The following STS variants were observed in gnomAD, a reference collection of about 807,000 sequenced individuals.
STS encodes the protein steryl-sulfatase.
A neutral mutation model predicts 26.8 loss-of-function variants in STS; 7 were observed. The ratio of observed to expected loss-of-function variants is 0.26; its 90% confidence interval spans 0.15 to 0.49. The LOEUF (loss-of-function observed/expected upper bound fraction) is 0.49, where lower values mean the gene tolerates loss of function less well. Ranked by LOEUF, STS falls within the 20% of genes least tolerant of loss-of-function variation. STS has a pLI of 0.98. For missense variants in STS, 434 were observed against 465.6 expected, an observed-to-expected ratio of 0.93 and a Z score of 0.63; for synonymous variants, 199 against 189.4, an observed-to-expected ratio of 1.05 and a Z score of -0.42.
chrX:7,279,365 G>A (rs1297361274), intron 7 of STS, among the ~76,000 whole-genome samples: 1 of 90,900 alleles, frequency 1.1e-5, no homozygotes, highest in Non-Finnish European at 2.1e-5. Flanking sequence ...GTGTATATGT[G>A]TGTGTGTGTG....
At chrX:7,314,619 G>A (rs1229101015) in intron 8 of STS, among the ~76,000 whole-genome samples, 1 of 113,155 alleles carries the variant, frequency 8.8e-6, no homozygotes, top group Non-Finnish European at 1.9e-5. Flanking sequence ...GGCTTCAGTT[G>A]ACAAAATGTA....
At chrX:7,333,813 G>A (rs1927875436) in intron 9 of STS, among the ~76,000 whole-genome samples, 173 bp from the exon 10 acceptor site, 1 of 112,763 alleles carries the variant, frequency 8.9e-6, no homozygotes, top group African/African-American at 3.2e-5. Context: ...CAGATGTAAT[G>A]AGATAATGCA....
At chrX:7,315,639 C>T (rs1033616370) in intron 8 of STS, among the ~76,000 whole-genome samples, 3 of 111,359 alleles carry the variant, frequency 2.7e-5, no homozygotes, top group Admixed American at 1.9e-4. Flanking sequence ...GTCGAAGGTC[C>T]GAGAGCCCCT....
At chrX:7,184,717 C>T (rs925667513) in intron 1 of STS, among the ~76,000 whole-genome samples, 5 of 112,042 alleles carry the variant, frequency 4.5e-5, no homozygotes, top group African/African-American at 1.3e-4. Flanking sequence ...TCCCAAGACA[C>T]TCTCAGCAGG....
At chrX:7,200,472 A>G (rs1168290174) in intron 2 of STS, among the ~76,000 whole-genome samples, 1 of 111,551 alleles carries the variant, frequency 9.0e-6, no homozygotes, top group Non-Finnish European at 1.9e-5. Flanking sequence ...ATTTTGGGAG[A>G]TAGAACTAGT....
chrX:7,177,469 A>G (rs1284305929), intron 1 of STS, among the ~76,000 whole-genome samples: 6 of 105,747 alleles, frequency 5.7e-5, no homozygotes, highest in African/African-American at 1.0e-4. Flanking sequence ...TTATATATGT[A>G]TATATATATA....
At chrX:7,216,172 T>A (rs1464468231) in intron 2 of STS, among the ~76,000 whole-genome samples, 3 of 111,940 alleles carry the variant, frequency 2.7e-5, no homozygotes, top group Non-Finnish European at 5.6e-5. Context: ...ACTGACATCT[T>A]AAGAGATGGA....
At chrX:7,323,364 C>G (rs200099947) in intron 8 of STS, among the ~76,000 whole-genome samples, 2 of 110,666 alleles carry the variant, frequency 1.8e-5, no homozygotes, top group African/African-American at 6.6e-5. Context: ...TTTTTCACTC[C>G]TTGACCTCCT....
chrX:7,239,932 T>C (rs1438621098), intron 2 of STS, among the ~76,000 whole-genome samples: 2 of 103,734 alleles, frequency 1.9e-5, no homozygotes, highest in African/African-American at 7.1e-5. Context: ...TCACCCAGGC[T>C]GGAGTGTTGT....
At chrX:7,273,198 C>T (rs1231426490) in intron 6 of STS, among the ~76,000 whole-genome samples, 2 of 111,265 alleles carry the variant, frequency 1.8e-5, no homozygotes, top group Non-Finnish European at 3.8e-5. Flanking sequence ...TACAACCATG[C>T]CTGGCCTGTA....
intron 1 of STS, among the ~76,000 whole-genome samples, chrX:7,186,600 A>G (rs1323308268): frequency 5.4e-5 from 6 of 111,536 alleles, no homozygotes; most frequent in African/African-American, 2.0e-4. Context: ...ATCTGGTCCT[A>G]TTGGGAAGAT....
At chrX:7,227,676 G>A (rs1367244644) in intron 2 of STS, among the ~76,000 whole-genome samples, 2 of 111,505 alleles carry the variant, frequency 1.8e-5, no homozygotes, top group African/African-American at 6.5e-5. Flanking sequence ...ATTTGCCATT[G>A]TCATTGTTCC....
intron 1 of STS, among the ~76,000 whole-genome samples, chrX:7,166,713 C>T (rs1476171896): frequency 9.0e-6 from 1 of 111,529 alleles, no homozygotes; most frequent in African/African-American, 3.3e-5. Flanking sequence ...GATGGAGACC[C>T]AGTGCAACCT....
At chrX:7,260,048 TG>T (rs1381149844) in intron 6 of STS, among the ~76,000 whole-genome samples, 1 of 111,790 alleles carries the variant, frequency 8.9e-6, no homozygotes, top group African/African-American at 3.3e-5. Context: ...GCTAATTTTT[TG>T]TATTTTTAGT....
intron 7 of STS, among the ~76,000 whole-genome samples, chrX:7,282,142 G>C (rs976352236): frequency 8.9e-6 from 1 of 112,290 alleles, no homozygotes; most frequent in Non-Finnish European, 1.9e-5. Flanking sequence ...GAAAGAATGG[G>C]AGCTTGCATC....
intron 2 of STS, among the ~76,000 whole-genome samples, chrX:7,208,849 C>A (rs777594834): frequency 9.0e-6 from 1 of 111,591 alleles, no homozygotes; most frequent in South Asian, 3.8e-4. Context: ...TTTCTGGAGG[C>A]TCTAGGGGTT....
At chrX:7,323,516 G>A (rs1484192377) in intron 8 of STS, among the ~76,000 whole-genome samples, 1 of 111,225 alleles carries the variant, frequency 9.0e-6, no homozygotes, top group African/African-American at 3.3e-5. Context: ...TAGGATAATG[G>A]CCTCTAGCTA....
intron 2 of STS, among the ~76,000 whole-genome samples, chrX:7,233,596 C>A (rs1295316469): frequency 9.0e-6 from 1 of 111,375 alleles, no homozygotes; most frequent in Non-Finnish European, 1.9e-5. Flanking sequence ...TACAAAATTC[C>A]TCTACATCTT....
chrX:7,285,327 C>A (rs1237971681), intron 7 of STS, among the ~76,000 whole-genome samples: 1 of 110,830 alleles, frequency 9.0e-6, no homozygotes, highest in Non-Finnish European at 1.9e-5. Context: ...TGAAGAATTC[C>A]AAAAAATATA....
Sources: gnomAD v4.1 joint callset for allele counts (sites outside exome capture counted in the v4.1 genomes callset) on GRCh38, gnomAD v4.1.1 for gene constraint, MANE v1.5 for transcripts, NCBI Gene and HGNC (gene_info 2026-07-23, HGNC 2026-07-21) for gene names.